Variants in EMSY observed in about 807,000 individuals in gnomAD.
The protein encoded by EMSY is BRCA2-interacting transcriptional repressor EMSY.
EMSY carries 26 observed loss-of-function variants against 134.6 expected under a neutral mutation model. The observed-to-expected ratio is 0.19, with a 90% CI of 0.14 to 0.27. EMSY has a LOEUF of 0.27. Ranked by LOEUF, EMSY falls within the 10% of genes least tolerant of loss-of-function variation. The pLI is 1.00. For synonymous variants in EMSY, 579 were observed against 577.8 expected (o/e 1.00, Z -0.03); for missense variants, 1,305 against 1,611.4 (o/e 0.81, Z 3.26).
chr11:76,510,464 G>A lies in EMSY; in HGVS notation c.1364-2922G>A, dbSNP rs1038782623. Among the ~76,000 whole-genome samples, 6 of 152,340 alleles carry A rather than the reference G, an allele frequency of 3.9e-5. 1 individual carries two copies. The South Asian group carries it at 8.3e-4, about 21-fold the overall frequency. ...AGGAAGTATCTAGGGTGGGGTAAGT[G>A]ACAGACTTCTCTGACAGACCCCTGC... On this transcript the variant is annotated intron_variant, in intron 9 of 20. Transcript: ENST00000334736.
chr11:76,494,137 C>T (rs1470296925), intron 8 of EMSY, among the ~76,000 whole-genome samples: 1 of 152,280 alleles, frequency 6.6e-6, no homozygotes, highest in Admixed American at 6.5e-5. Flanking sequence ...CGCCCCACTG[C>T]AGCAGCTGGC....
intron 11 of EMSY, 119 bp from the exon 13 acceptor site, chr11:76,523,036 C>A: frequency 1.0e-6 from 1 of 994,630 alleles, no homozygotes; most frequent in Non-Finnish European, 1.4e-6. Context: ...ATCTTGACAG[C>A]TTTCATGTCA....
chr11:76,550,412 G>A (rs947770879), exon 21 of EMSY: 1 of 267,074 alleles, frequency 3.7e-6, no homozygotes, highest in Non-Finnish European at 6.9e-6. Flanking sequence ...TTCTTTCTCT[G>A]TTGGATCATG....
intron 14 of EMSY, among the ~76,000 whole-genome samples, chr11:76,535,285 T>G (rs1951183865): frequency 6.6e-6 from 1 of 152,126 alleles, no homozygotes; most frequent in South Asian, 2.1e-4. Context: ...AATCCAAGAC[T>G]TTGAGCTCCA....
chr11:76,490,857 T>G (rs548436716), intron 8 of EMSY, among the ~76,000 whole-genome samples: 93 of 149,510 alleles, frequency 6.2e-4, no homozygotes, highest in East Asian at 9.8e-4. Flanking sequence ...TGCTAGGGGG[T>G]GTGTGTGTGT....
chr11:76,531,039 T>C (rs902075881), intron 14 of EMSY, among the ~76,000 whole-genome samples: 1 of 152,182 alleles, frequency 6.6e-6, no homozygotes, highest in African/African-American at 2.4e-5. Flanking sequence ...TTGCCCTATT[T>C]GCTTTGTTGT....
intron 8 of EMSY, among the ~76,000 whole-genome samples, chr11:76,474,299 T>C (rs1188000736): frequency 1.3e-5 from 2 of 152,172 alleles, no homozygotes; most frequent in Non-Finnish European, 2.9e-5. Context: ...ATATATTATA[T>C]AGAATTCATA....
chr11:76,504,497 G>C (rs1295857541), intron 9 of EMSY, among the ~76,000 whole-genome samples: 1 of 152,076 alleles, frequency 6.6e-6, no homozygotes, highest in Non-Finnish European at 1.5e-5. Flanking sequence ...TTTACACAAA[G>C]CAGACTGCCT....
At chr11:76,458,107 A>G (rs1189997864) in intron 4 of EMSY, 76 bp from the exon 6 acceptor site, 3 of 1,371,654 alleles carry the variant, frequency 2.2e-6, no homozygotes, top group East Asian at 2.5e-5. Flanking sequence ...AAAAAGTTAT[A>G]TATGTTTGAG....
At chr11:76,472,880 A>G (rs4245443) in intron 8 of EMSY, 40 bp downstream of exon 9, 956,706 of 1,597,998 alleles carry the variant, frequency 0.6, 290,803 homozygotes, top group Admixed American at 0.74. Flanking sequence ...CACAGTTGCT[A>G]TATGGAATTT....
intron 14 of EMSY, among the ~76,000 whole-genome samples, chr11:76,531,973 C>T (rs1951057229): frequency 6.6e-6 from 1 of 152,150 alleles, no homozygotes; most frequent in African/African-American, 2.4e-5. Flanking sequence ...TCAACTGTCT[C>T]CATATAGGCT....
In EMSY at chr11:76,512,431, G is replaced by A. The variant is rs114689004; in HGVS notation, c.1364-955G>A. Among the ~76,000 whole-genome samples the A allele has an allele frequency of 9.3e-3, 1,412 of 152,080 alleles. 8 individuals are homozygous for A. Among genetic ancestry groups the A allele is most frequent in the Middle Eastern group, 0.024 (7 of 294 alleles). ...TTCTGTTTTTAGTAGTGGTATTTCC[G>A]TTTACAAAATATAGTAATTCTCAAT... is the stretch of plus-strand genomic sequence containing the variant. On this transcript the variant is annotated intron_variant, in intron 9 of 20. Coordinates refer to ENST00000334736, the Ensembl canonical transcript of EMSY.
At chr11:76,481,132 C>T (rs1251774479) in intron 8 of EMSY, among the ~76,000 whole-genome samples, 2 of 152,200 alleles carry the variant, frequency 1.3e-5, no homozygotes. Context: ...CAAGCTCTGC[C>T]TCCCGGGTTC....
rs1311066753 is a variant in EMSY at position 76,460,009 on chromosome 11, G to T, written c.495G>T (p.Thr165=). 3 of 1,614,144 alleles carry T rather than the reference G, an allele frequency of 1.9e-6. No individual in the cohort carries two copies. In the South Asian group the frequency reaches 3.3e-5, roughly 18 times the overall value. ...CTGTTCCAAGTGGCAGCATAGCAAC[G>T]GTTAAGTCTCCAAGACCTGCCAGTC... Residue 165 remains threonine, a synonymous_variant, in exon 6 of 21, where the codon ACG becomes ACT. Coordinates refer to ENST00000334736, the Ensembl canonical transcript of EMSY.
chr11:76,523,704 CTTTTTTTTTTT>C (rs746491659), intron 12 of EMSY, among the ~76,000 whole-genome samples: 1 of 80,536 alleles, frequency 1.2e-5, no homozygotes, highest in Non-Finnish European at 2.3e-5. Context: ...TTGTTACTTT[CTTTTTTTTTTT>C]TTTTTTTTTT....
intron 11 of EMSY, among the ~76,000 whole-genome samples, chr11:76,519,596 G>A (rs952371223): frequency 6.6e-6 from 1 of 152,066 alleles, no homozygotes. Flanking sequence ...TATTGTTTTT[G>A]CACTTTTTCA....
chr11:76,540,450 A>G (rs1336587148), intron 17 of EMSY, among the ~76,000 whole-genome samples: 1 of 152,190 alleles, frequency 6.6e-6, no homozygotes. Context: ...GTAATTTAAC[A>G]TGTGCATACA....
rs781403834 is a variant in EMSY at position 76,544,318 on chromosome 11, C to T, written c.2769C>T (p.Gly923=). 30 of 1,613,954 alleles carry T rather than the reference C, an allele frequency of 1.9e-5. No individual in the cohort carries two copies. In the South Asian group the frequency reaches 2.4e-4, roughly 13 times the overall value. Residue 923 remains glycine (G), a synonymous_variant, in exon 19 of 21, where the codon GGC becomes GGT. Coordinates refer to ENST00000334736, the Ensembl canonical transcript of EMSY. Reference sequence around the variant, plus strand: ...GCGAGGAACTTGGAACTGAGGAGGGCGAGGTTGAAGAGATGGACACTTTAG... The same window carrying T: ...GCGAGGAACTTGGAACTGAGGAGGGTGAGGTTGAAGAGATGGACACTTTAG...
intron 2 of EMSY, 70 bp downstream of exon 2, chr11:76,447,078 T>A (rs1947447194): frequency 1.4e-6 from 2 of 1,413,094 alleles, no homozygotes; most frequent in South Asian, 2.4e-5. Flanking sequence ...AGGTCATAGC[T>A]GTTTGCATGG....
Sources: allele counts gnomAD v4.1 joint callset (sites outside exome capture counted in the v4.1 genomes callset), GRCh38; gene constraint gnomAD v4.1.1; transcripts MANE v1.5; gene names NCBI Gene and HGNC (gene_info 2026-07-23, HGNC 2026-07-21).